The following PPFIA1 variants were observed in gnomAD, a reference collection of about 807,000 sequenced individuals.
The protein encoded by PPFIA1 is PPFI scaffold protein A1.
Under a neutral mutation model 149.9 loss-of-function variants are expected in PPFIA1, and 25 were observed. The observed-to-expected ratio is 0.17, with a 90% CI of 0.12 to 0.23. The LOEUF is 0.23. Among genes scored for constraint, PPFIA1 ranks in the 10% least tolerant of loss-of-function variants. The pLI is 1.00. For synonymous variants in PPFIA1, 549 were observed against 552.8 expected (o/e 0.99, Z 0.10); for missense variants, 1,362 against 1,506.5 (o/e 0.90, Z 1.59).
intron 12 of PPFIA1, 22 bp from the exon 13 acceptor site, chr11:70,338,351 GT>G: frequency 1.0e-5 from 16 of 1,575,822 alleles, no homozygotes; most frequent in Non-Finnish European, 1.4e-5. Context: ...TAGCAGTAAT[GT>G]AAGTCTTTTG....
intron 10 of PPFIA1, 138 bp downstream of exon 10, chr11:70,333,691 T>C: frequency 2.9e-6 from 2 of 700,114 alleles, no homozygotes; most frequent in Admixed American, 4.3e-5. Context: ...GCATTTGTTT[T>C]GCACCCTCAT....
chr11:70,310,934 C>T (rs1248282659), intron 2 of PPFIA1, among the ~76,000 whole-genome samples: 1 of 152,062 alleles, frequency 6.6e-6, no homozygotes, highest in Non-Finnish European at 1.5e-5. Context: ...TTCTTAGGAG[C>T]GCTCAAGGTT....
At chr11:70,343,128 A>T (rs1415822437) in intron 14 of PPFIA1, among the ~76,000 whole-genome samples, 1 of 151,832 alleles carries the variant, frequency 6.6e-6, no homozygotes, top group East Asian at 1.9e-4. Flanking sequence ...TTGTATTTTT[A>T]GTAGAGATGG....
At chr11:70,343,242 T>C (rs1282871398) in intron 14 of PPFIA1, among the ~76,000 whole-genome samples, 2 of 152,232 alleles carry the variant, frequency 1.3e-5, no homozygotes, top group African/African-American at 4.8e-5. Flanking sequence ...CCACCACGCC[T>C]GGCGTGTATC....
At chr11:70,317,892 T>C (rs1170588449) in intron 2 of PPFIA1, among the ~76,000 whole-genome samples, 1 of 152,198 alleles carries the variant, frequency 6.6e-6, no homozygotes, top group Non-Finnish European at 1.5e-5. Flanking sequence ...TGACGAAATT[T>C]GTTCATAATA....
chr11:70,372,600 C>T lies in PPFIA1; in HGVS notation c.3139+26C>T, dbSNP rs10466704. ...GTTAGTACATGACATTTAATTGATT[C>T]GGTTTACTCCTACTTGCTGGTGTGT... On this transcript the variant is annotated intron_variant, in intron 23 of 27. Transcript: ENST00000253925. 12,321 of 1,551,534 alleles carry T rather than the reference C, an allele frequency of 7.9e-3. 855 individuals are homozygous for T. The African/African-American group carries it at 0.15, about 19-fold the overall frequency.
chr11:70,290,986 A>G (rs1006551631), intron 2 of PPFIA1, among the ~76,000 whole-genome samples: 3 of 152,176 alleles, frequency 2.0e-5, no homozygotes, highest in South Asian at 2.1e-4. Flanking sequence ...ACCAGGTTCA[A>G]ATGGCTCTCC....
chr11:70,369,547 T>C (rs184881160), intron 21 of PPFIA1, among the ~76,000 whole-genome samples: 1 of 152,074 alleles, frequency 6.6e-6, no homozygotes, highest in Non-Finnish European at 1.5e-5. Flanking sequence ...TATTTATTTA[T>C]TTATGTTGAT....
chr11:70,303,733 C>T (rs1252159873), intron 2 of PPFIA1, among the ~76,000 whole-genome samples: 1 of 152,154 alleles, frequency 6.6e-6, no homozygotes, highest in African/African-American at 2.4e-5. Flanking sequence ...AGGCCTGGCA[C>T]GGTGGCTCAT....
intron 19 of PPFIA1, chr11:70,358,316 G>A (rs900014493): frequency 2.6e-5 from 4 of 152,232 alleles, no homozygotes; most frequent in Middle Eastern, 3.4e-3. Flanking sequence ...CCGCCTCCTG[G>A]GTTCAAGTGA....
At chr11:70,299,796 CTCG>C (rs1402739798) in intron 2 of PPFIA1, among the ~76,000 whole-genome samples, 2 of 152,178 alleles carry the variant, frequency 1.3e-5, no homozygotes, top group African/African-American at 4.8e-5. Flanking sequence ...CTTTGATGTT[CTCG>C]TCTCAGAGCC....
intron 1 of PPFIA1, among the ~76,000 whole-genome samples, chr11:70,271,495 C>T (rs1352436422): frequency 3.3e-5 from 5 of 151,810 alleles, no homozygotes; most frequent in African/African-American, 1.2e-4. Context: ...CCGGCTGTAT[C>T]GACCTGCTAT....
Position 70,325,594 on chromosome 11 carries a change from A to G in PPFIA1, c.606+20A>G. ...AAAGAGGTAAGCTTGAGACTTCATCATGAGTTGAATTGGGGGGGGGTTATT... is the reference window on the plus strand; with the variant it reads ...AAAGAGGTAAGCTTGAGACTTCATCGTGAGTTGAATTGGGGGGGGGTTATT... On this transcript the variant is annotated intron_variant, in intron 5 of 27. Transcript: ENST00000253925. The G allele has an allele frequency of 1.3e-6, 2 of 1,501,804 alleles. No individual in the cohort carries two copies. Among genetic ancestry groups the G allele is most frequent in the Non-Finnish European group, 1.9e-6 (2 of 1,079,428 alleles). The allele number at this position is 1,501,804 out of a possible 1,614,324, so 93.0% of individuals were successfully genotyped here. A position where few individuals can be genotyped will look rare whatever the true frequency, so the allele number is the denominator to read the frequency against.
chr11:70,379,457 C>CAA (rs546276253), intron 26 of PPFIA1, among the ~76,000 whole-genome samples: 1,721 of 138,622 alleles, frequency 0.012, 34 homozygotes, highest in African/African-American at 0.042. Flanking sequence ...GACTCTGTCT[C>CAA]AAAAAAAAAA....
chr11:70,322,510 C>T lies in PPFIA1; in HGVS notation c.265-1892C>T, dbSNP rs1021293323. On this transcript the variant is annotated intron_variant, in intron 2 of 27. Coordinates refer to ENST00000253925, the MANE Select transcript of PPFIA1 (RefSeq NM_003626.5). ...CCCAGGAGCCCGCTTCTGAATGCTG[C>T]GTTCGATCTCTGAAGAGGTTTCAGC... Among the ~76,000 whole-genome samples the T allele has an allele frequency of 2.6e-5, 4 of 152,286 alleles. No individual in the cohort carries two copies. The South Asian group carries it at 6.2e-4, about 24-fold the overall frequency.
At chr11:70,354,760 GGA>G (rs758659798) in intron 17 of PPFIA1, among the ~76,000 whole-genome samples, 3 of 151,820 alleles carry the variant, frequency 2.0e-5, no homozygotes, top group Admixed American at 1.3e-4. Context: ...TATTCTTGAT[GGA>G]GAGTTTGGCA....
chr11:70,291,072 A>G (rs2051493515), intron 2 of PPFIA1, among the ~76,000 whole-genome samples: 1 of 151,948 alleles, frequency 6.6e-6, no homozygotes, highest in African/African-American at 2.4e-5. Flanking sequence ...TTTAGTAGAG[A>G]CGGGGTTTCT....
chr11:70,365,318 C>T (rs2056863182), intron 21 of PPFIA1: 1 of 452,440 alleles, frequency 2.2e-6, no homozygotes, highest in Non-Finnish European at 4.5e-6. Flanking sequence ...CCCCTCTCCT[C>T]TTTGTCACTG....
At chr11:70,364,447 T>C (rs1484590346) in intron 21 of PPFIA1, 1 of 152,230 alleles carries the variant, frequency 6.6e-6, no homozygotes, top group East Asian at 1.9e-4. Flanking sequence ...CTGCTTTTAG[T>C]CTCCTCAGGA....
Sources: gnomAD v4.1 joint callset for allele counts (sites outside exome capture counted in the v4.1 genomes callset) on GRCh38, gnomAD v4.1.1 for gene constraint, MANE v1.5 for transcripts, NCBI Gene and HGNC (gene_info 2026-07-23, HGNC 2026-07-21) for gene names.